HVCN1: variants seen among roughly 807,000 people sequenced by gnomAD.
The protein encoded by HVCN1 is voltage-gated hydrogen channel 1.
In HVCN1, 14 loss-of-function variants were observed where a neutral mutation model predicts 29.2. That is an observed-to-expected ratio of 0.48 (90% CI 0.32 to 0.75). The LOEUF (loss-of-function observed/expected upper bound fraction) is 0.75, where lower values mean the gene tolerates loss of function less well. HVCN1 is among the 30% of genes least tolerant of loss of function. The pLI is 0.04. For synonymous variants in HVCN1, 131 were observed against 133.2 expected, an observed-to-expected ratio of 0.98 and a Z score of 0.11; for missense variants, 263 against 341.8, an observed-to-expected ratio of 0.77 and a Z score of 1.82.
At chr12:110,699,571 G>C (rs896495476) in intron 2 of HVCN1, among the ~76,000 whole-genome samples, 1 of 152,122 alleles carries the variant, frequency 6.6e-6, no homozygotes, top group Non-Finnish European at 1.5e-5. Flanking sequence ...GAGAAGACGA[G>C]GTCCTTTCTG....
At chr12:110,669,386 A>G (rs902116912) in intron 3 of HVCN1, among the ~76,000 whole-genome samples, 1 of 151,686 alleles carries the variant, frequency 6.6e-6, no homozygotes, top group South Asian at 2.1e-4. Flanking sequence ...CTGTGCAGCG[A>G]CCTCCATGCC....
intron 3 of HVCN1, among the ~76,000 whole-genome samples, chr12:110,667,403 G>A (rs1013009015): frequency 6.6e-6 from 1 of 151,994 alleles, no homozygotes; most frequent in African/African-American, 2.4e-5. Flanking sequence ...CAAAGTGCTG[G>A]GATTACACGC....
rs200469340 is a variant in HVCN1 at position 110,695,312 on chromosome 12, CTATAATTATAATTG to C, written c.-103-6618_-103-6605del. On this transcript the variant is annotated intron_variant, in intron 2 of 4. Coordinates refer to the HVCN1 transcript ENST00000546713. ...CACACACACTTATATATAAACATTT[CTATAATTATAATTG>C]TATAATTATAATTGTATAATTACAT... Among the ~76,000 whole-genome samples the C allele has an allele frequency of 6.7e-3, 1,021 of 151,478 alleles. 3 individuals carry two copies. Among genetic ancestry groups the C allele is most frequent in the Non-Finnish European group, 0.01 (706 of 67,882 alleles).
At chr12:110,656,603 C>G (rs1187636558) in intron 4 of HVCN1, among the ~76,000 whole-genome samples, 1 of 152,138 alleles carries the variant, frequency 6.6e-6, no homozygotes, top group African/African-American at 2.4e-5. Flanking sequence ...GGCCTTGCCG[C>G]TCACACTCTC....
chr12:110,671,491 A>G (rs1183850276), intron 3 of HVCN1, among the ~76,000 whole-genome samples: 2 of 152,112 alleles, frequency 1.3e-5, no homozygotes, highest in East Asian at 1.9e-4. Context: ...AGTCCTGCCA[A>G]CACCTTGATT....
chr12:110,692,363 T>C (rs1025407122), upstream of HVCN1, among the ~76,000 whole-genome samples: 1 of 152,198 alleles, frequency 6.6e-6, no homozygotes, highest in Non-Finnish European at 1.5e-5. Context: ...AAGTATAAGA[T>C]GAAGGAACAG....
rs2069051112 is a variant in HVCN1 at position 110,683,206 on chromosome 12, A to G, written c.21+19T>C. The G allele has an allele frequency of 6.2e-7, 1 of 1,613,836 alleles. No homozygotes were observed. Among genetic ancestry groups the G allele is most frequent in the Admixed American group, 1.7e-5 (1 of 59,964 alleles). On this transcript the variant is annotated intron_variant, in intron 3 of 7. Transcript: ENST00000242607. ...GGCTGGGATATCCTCTAATGCTGCA[A>G]GACCACAGAATCCATTACCTTTTCG...
At chr12:110,677,115 G>A (rs575678441) in intron 3 of HVCN1, among the ~76,000 whole-genome samples, 4 of 152,096 alleles carry the variant, frequency 2.6e-5, no homozygotes, top group African/African-American at 9.6e-5. Context: ...TGAGAGAGGC[G>A]GATCGCTTGA....
intron 3 of HVCN1, among the ~76,000 whole-genome samples, chr12:110,669,044 C>T (rs113073526): frequency 1.0e-3 from 153 of 152,048 alleles, no homozygotes; most frequent in African/African-American, 3.4e-3. Flanking sequence ...GTGCCGTTCA[C>T]GTTCAAATCA....
intron 7 of HVCN1, among the ~76,000 whole-genome samples, chr12:110,649,908 C>T (rs552097554): frequency 3.5e-4 from 53 of 152,100 alleles, no homozygotes; most frequent in Non-Finnish European, 6.5e-4. Context: ...TGCAATGGCG[C>T]GATCTTGGCT....
At chr12:110,653,474 T>C (rs985917753) in intron 5 of HVCN1, among the ~76,000 whole-genome samples, 1 of 150,786 alleles carries the variant, frequency 6.6e-6, no homozygotes, top group South Asian at 2.1e-4. Context: ...AAAAAAAAAA[T>C]TAAAAATTCC....
chr12:110,684,203 A>AT (rs986222590), intron 2 of HVCN1, among the ~76,000 whole-genome samples: 3 of 152,262 alleles, frequency 2.0e-5, no homozygotes, highest in Admixed American at 2.0e-4. Flanking sequence ...CTAACAAGGT[A>AT]TTTTTTAAAA....
chr12:110,687,112 A>G (rs1270412394), intron 2 of HVCN1, among the ~76,000 whole-genome samples: 1 of 152,154 alleles, frequency 6.6e-6, no homozygotes, highest in Non-Finnish European at 1.5e-5. Flanking sequence ...AAACTATCTG[A>G]GCCATTCCTA....
intron 3 of HVCN1, among the ~76,000 whole-genome samples, chr12:110,666,118 C>T (rs1478650570): frequency 6.6e-6 from 1 of 151,744 alleles, no homozygotes; most frequent in Non-Finnish European, 1.5e-5. Flanking sequence ...TAACATATTA[C>T]CAAAGAAAAG....
At chr12:110,674,902 T>A (rs1213126336) in intron 3 of HVCN1, among the ~76,000 whole-genome samples, 1 of 151,980 alleles carries the variant, frequency 6.6e-6, no homozygotes, top group Non-Finnish European at 1.5e-5. Context: ...AGTTAAGTGG[T>A]GAATGAAGTA....
At chr12:110,656,540 C>T (rs936806807) in intron 4 of HVCN1, among the ~76,000 whole-genome samples, 3 of 152,212 alleles carry the variant, frequency 2.0e-5, no homozygotes, top group Middle Eastern at 3.4e-3. Flanking sequence ...CTCGAGTGAC[C>T]CTTCTCTTCC....
intron 3 of HVCN1, among the ~76,000 whole-genome samples, chr12:110,674,230 G>A (rs1221780020): frequency 6.6e-6 from 1 of 152,194 alleles, no homozygotes; most frequent in African/African-American, 2.4e-5. Flanking sequence ...CAGGGACCCT[G>A]TAACTATTTT....
chr12:110,691,495 A>G (rs1450025047), upstream of HVCN1, among the ~76,000 whole-genome samples: 1 of 152,144 alleles, frequency 6.6e-6, no homozygotes, highest in Non-Finnish European at 1.5e-5. Flanking sequence ...ATTTTATTAA[A>G]AATTCTCCTC....
At chr12:110,682,077 T>C (rs1376583362) in intron 3 of HVCN1, among the ~76,000 whole-genome samples, 1 of 152,084 alleles carries the variant, frequency 6.6e-6, no homozygotes, top group Non-Finnish European at 1.5e-5. Context: ...AACCTCTGCC[T>C]CCCAAGTTCA....
Sources: gnomAD v4.1 joint callset for allele counts (sites outside exome capture counted in the v4.1 genomes callset) on GRCh38, gnomAD v4.1.1 for gene constraint, MANE v1.5 for transcripts, NCBI Gene and HGNC (gene_info 2026-07-23, HGNC 2026-07-21) for gene names.